The following HDHD5 variants were observed in gnomAD, a reference collection of about 807,000 sequenced individuals.
HDHD5 encodes the protein haloacid dehalogenase-like hydrolase domain-containing 5.
Under a neutral mutation model 35.5 loss-of-function variants are expected in HDHD5, and 34 were observed. The ratio of observed to expected loss-of-function variants is 0.96; its 90% CI spans 0.73 to 1.28. The LOEUF is 1.28. Ranked by LOEUF, HDHD5 falls within the 50% of genes most tolerant of loss-of-function variation. HDHD5 has a pLI of 0.00. For synonymous variants in HDHD5, 248 were observed against 240.6 expected (o/e 1.03, Z -0.29); for missense variants, 589 against 560.2 (o/e 1.05, Z -0.52).
At position 17,138,771 on chromosome 22, in the gene HDHD5, T is replaced by G. The variant is rs112014196; in HGVS notation, c.747-33A>C. 2.6e-4 allele frequency: 413 copies of G among 1,612,626 alleles called. 2 individuals carry two copies. The African/African-American group carries it at 4.9e-3, about 19-fold the overall frequency. ...AAACGAGCACGCAGCAGTTCAGTCT[T>G]CCTGATCTCCAGGCTCTTCTAGAGA... On this transcript the variant is annotated intron_variant, in intron 6 of 7. Transcript: ENST00000336737.
rs141245946 is a variant in HDHD5, at chr22:17,138,699, A to G, written c.786T>C (p.Ile262=). The part of the protein sequence containing the change: ...HGTFLLCLET[I]YQKVTGKELR... The stretch of plus-strand genomic sequence containing the variant: ...GCTCCTTGCCCGTCACTTTCTGGTA[A>G]ATGGTTTCCAGGCACAGCAGAAAGG... Residue 262 remains isoleucine, a synonymous_variant, in exon 7 of 8, where the codon ATT becomes ATC. Coordinates refer to ENST00000336737, the MANE Select transcript of HDHD5 (RefSeq NM_033070.3). 2 of 1,614,220 alleles carry G rather than the reference A, an allele frequency of 1.2e-6. No individual in the cohort carries two copies. The highest frequency in any genetic ancestry group is 1.7e-6 in the Non-Finnish European group (2 of 1,180,034).
chr22:17,139,872 G>A (rs1189078839), intron 6 of HDHD5, among the ~76,000 whole-genome samples: 1 of 152,162 alleles, frequency 6.6e-6, no homozygotes, highest in African/African-American at 2.4e-5. Context: ...ATCTTTCAGT[G>A]TCATTTATGT....
rs751006046 is a variant in HDHD5 at position 17,143,147 on chromosome 22, G to A, written c.538-16C>T. On this transcript the variant is annotated splice_polypyrimidine_tract_variant and intron_variant, in intron 4 of 7. Transcript: ENST00000336737. ...TCGGGAGGGGCTGCAGAGAGACAAA[G>A]GAGAGGCTATCAACACAAGTCGCCT... The A allele has an allele frequency of 1.2e-6, 2 of 1,607,216 alleles. No homozygotes were observed. Among genetic ancestry groups the A allele is most frequent in the African/African-American group, 1.3e-5 (1 of 74,640 alleles).
chr22:17,156,456 CA>C (rs1231263706), intron 1 of HDHD5, among the ~76,000 whole-genome samples: 1 of 150,188 alleles, frequency 6.7e-6, no homozygotes, highest in African/African-American at 2.5e-5. Context: ...ACCAAAGATA[CA>C]AAAAATTAGC....
Position 17,148,561 on chromosome 22 carries a change from C to T in HDHD5, c.331-1G>A, listed in dbSNP as rs2061691581. 6.2e-7 allele frequency: 1 copy of T among 1,611,506 alleles called. No individual in the cohort carries two copies. The highest frequency in any genetic ancestry group is 8.5e-7 in the Non-Finnish European group (1 of 1,177,656). ...AGAGGATAACTTGGTCTGCATCCACCTGTAGGGACAGCCAAGACAGGGGAG... is the reference window on the plus strand; with the variant it reads ...AGAGGATAACTTGGTCTGCATCCACTTGTAGGGACAGCCAAGACAGGGGAG... On this transcript the variant is annotated splice_acceptor_variant, in intron 2 of 7. Coordinates refer to ENST00000336737, the MANE Select transcript of HDHD5 (RefSeq NM_033070.3). LOFTEE classifies it high-confidence loss of function.
chr22:17,142,146 TG>T (rs1475167056), intron 5 of HDHD5: 1 of 152,110 alleles, frequency 6.6e-6, no homozygotes, highest in Non-Finnish European at 1.5e-5. Context: ...GAGGCCAAGG[TG>T]GTAGGATTGC....
At chr22:17,146,026 C>A (rs746265820) in intron 3 of HDHD5, among the ~76,000 whole-genome samples, 8 of 152,114 alleles carry the variant, frequency 5.3e-5, no homozygotes, top group Non-Finnish European at 1.0e-4. Flanking sequence ...TCCCCAAAAT[C>A]CTGATTCTAT....
chr22:17,154,587 C>T (rs928860493), intron 1 of HDHD5, among the ~76,000 whole-genome samples: 2 of 150,404 alleles, frequency 1.3e-5, no homozygotes, highest in Non-Finnish European at 2.9e-5. Flanking sequence ...ATACTGGCAT[C>T]GTGGTTATGT....
chr22:17,137,935 C>A lies in HDHD5; in HGVS notation c.*86G>T, dbSNP rs1176929488. On this transcript the variant is annotated 3_prime_UTR_variant, in exon 8 of 8. Coordinates refer to ENST00000336737, the MANE Select transcript of HDHD5 (RefSeq NM_033070.3). ...GGGTGGCAAGGGAACCAAGCCCTGA[C>A]CTGAGCCCAGTGATCAGGCCAGAGC... 23 of 1,172,770 alleles carry A rather than the reference C, an allele frequency of 2.0e-5. No homozygotes were observed. The East Asian group carries it at 4.5e-4, about 23-fold the overall frequency. The allele number at this position is 1,172,770 out of a possible 1,614,324, so 72.6% of individuals were successfully genotyped here.
At chr22:17,144,763 C>T (rs1322395593) in intron 4 of HDHD5, among the ~76,000 whole-genome samples, 4 of 152,012 alleles carry the variant, frequency 2.6e-5, no homozygotes, top group Non-Finnish European at 4.4e-5. Flanking sequence ...GTTGCCCAGG[C>T]TGGTCTTGAA....
chr22:17,164,220 CAGAAAAA>C (rs779192624), upstream of HDHD5, among the ~76,000 whole-genome samples: 1 of 73,342 alleles, frequency 1.4e-5, no homozygotes, highest in Admixed American at 1.7e-4. Flanking sequence ...GACTCCATCT[CAGAAAAA>C]AAAAAAAAAA....
rs778636242 is a variant in HDHD5 at position 17,138,087 on chromosome 22, G to A, written c.1206C>T (p.His402=). The A allele has an allele frequency of 4.4e-5, 71 of 1,613,954 alleles. No individual in the cohort carries two copies. The highest frequency in any genetic ancestry group is 5.3e-5 in the African/African-American group (4 of 74,886). ...CFSPGLMEAS[H]VVNDVNEAVQ... ...CAGCCTCATTCACGTCATTCACCAC[G>A]TGGGAGGCCTCCATGAGCCCTGGAC... The change falls in exon 8 of 8, where the codon CAC becomes CAT. Residue 402 remains histidine (H), a synonymous_variant. Transcript: ENST00000336737.
At chr22:17,149,408 G>A (rs1219479222) in intron 2 of HDHD5, 134 bp downstream of exon 2, 1 of 764,032 alleles carries the variant, frequency 1.3e-6, no homozygotes, top group Non-Finnish European at 2.2e-6. Context: ...CAGGATTTCT[G>A]TGTTCAGCTG....
At chr22:17,151,988 A>C (rs2061731540) in intron 1 of HDHD5, among the ~76,000 whole-genome samples, 1 of 152,118 alleles carries the variant, frequency 6.6e-6, no homozygotes, top group Non-Finnish European at 1.5e-5. Flanking sequence ...CCTGTAACAA[A>C]ACTCTTTGCA....
rs550896882 is a variant in HDHD5, at chr22:17,150,644, G to A, written c.127-899C>T. ...AGTGATTCTTCTGCCTCACTCTCCC[G>A]AATAGCTGGGATTACAGGTGCACCC... On this transcript the variant is annotated intron_variant, in intron 1 of 7. Transcript: ENST00000336737. Among the ~76,000 whole-genome samples the A allele has an allele frequency of 2.8e-3, 425 of 151,562 alleles. 3 individuals carry two copies. Among genetic ancestry groups the A allele is most frequent in the African/African-American group, 9.8e-3 (407 of 41,348 alleles).
intron 3 of HDHD5, among the ~76,000 whole-genome samples, chr22:17,146,383 C>T (rs1374838091): frequency 1.5e-4 from 22 of 142,720 alleles, no homozygotes; most frequent in Non-Finnish European, 2.8e-4. Flanking sequence ...GTGAGCTTAC[C>T]GGCCTTCGAT....
In HDHD5 at chr22:17,148,475, T is replaced by C. The variant is rs757771415; in HGVS notation, c.416A>G (p.Gln139Arg). The C allele has an allele frequency of 5.6e-6, 9 of 1,614,072 alleles. No homozygotes were observed. The highest frequency in any genetic ancestry group is 4.4e-5 in the South Asian group (4 of 91,076). The change falls in exon 3 of 8, where the codon CAG (glutamine) becomes CGG (arginine). Residue 139 changes from glutamine to arginine, a missense_variant. Gln to Arg is a conservative substitution (Grantham distance 43, BLOSUM62 1). Transcript: ENST00000336737. ...YHEKRMLVSG[Q>R]GPVMENAQGL... is the part of the protein sequence containing the mutation. Reference sequence around the variant, plus strand: ...CTGGGCATTTTCCATCACGGGCCCCTGTCCAGACACCAGCATCCGCTTCTC... The same window carrying C: ...CTGGGCATTTTCCATCACGGGCCCCCGTCCAGACACCAGCATCCGCTTCTC...
At chr22:17,163,137 C>T (rs769897064), upstream of HDHD5, among the ~76,000 whole-genome samples, 2 of 152,142 alleles carry the variant, frequency 1.3e-5, no homozygotes, top group South Asian at 2.1e-4. Context: ...ACAAATGGAC[C>T]GTGGATGTTA....
chr22:17,141,502 C>A, intron 5 of HDHD5: 3 of 1,285,920 alleles, frequency 2.3e-6, no homozygotes, highest in South Asian at 2.2e-5. Flanking sequence ...AAAACAAAAG[C>A]AGCATGTCTC....
Sources: allele counts gnomAD v4.1 joint callset (sites outside exome capture counted in the v4.1 genomes callset), GRCh38; gene constraint gnomAD v4.1.1; transcripts MANE v1.5; gene names NCBI Gene and HGNC (gene_info 2026-07-23, HGNC 2026-07-21).